EYA1: variants seen among roughly 807,000 people sequenced by gnomAD.
EYA1 encodes the protein EYA transcriptional coactivator and phosphatase 1.
EYA1 carries 16 observed loss-of-function variants against 82.0 expected under a neutral mutation model. That is an observed-to-expected ratio of 0.20 (90% CI 0.13 to 0.30). The LOEUF is 0.30. EYA1 is among the 10% of genes least tolerant of loss of function. The pLI is 1.00. For missense variants in EYA1, 633 were observed against 730.7 expected, an observed-to-expected ratio of 0.87 and a Z score of 1.54; for synonymous variants, 261 against 264.4, an observed-to-expected ratio of 0.99 and a Z score of 0.12.
chr8:71,369,341 T>A (rs531387253), intron 2 of EYA1, among the ~76,000 whole-genome samples: 24 of 152,318 alleles, frequency 1.6e-4, no homozygotes, highest in Admixed American at 4.6e-4. Flanking sequence ...GTGTGTAGAA[T>A]TATTAACATC....
At chr8:71,342,877 C>T (rs1825303840) in intron 3 of EYA1, among the ~76,000 whole-genome samples, 1 of 152,092 alleles carries the variant, frequency 6.6e-6, no homozygotes, top group African/African-American at 2.4e-5. Context: ...CTGCCTTAAC[C>T]AGCCTGTGAG....
intron 2 of EYA1, among the ~76,000 whole-genome samples, chr8:71,530,604 C>T (rs192414045): frequency 1.4e-4 from 21 of 152,236 alleles, no homozygotes; most frequent in South Asian, 6.2e-4. Context: ...TATAAAATTT[C>T]CCAGTTCACT....
At chr8:71,233,894 T>C (rs982760394) in intron 12 of EYA1, among the ~76,000 whole-genome samples, 1 of 152,222 alleles carries the variant, frequency 6.6e-6, no homozygotes, top group Non-Finnish European at 1.5e-5. Flanking sequence ...ATGAGAGCCT[T>C]CCATGTACCA....
chr8:71,381,963 C>T (rs951816860), intron 2 of EYA1, among the ~76,000 whole-genome samples: 11 of 152,198 alleles, frequency 7.2e-5, no homozygotes, highest in African/African-American at 2.7e-4. Flanking sequence ...ATGCCTGAGG[C>T]ACTTAAAAAT....
chr8:71,305,884 G>GCA (rs1424953643), intron 7 of EYA1, among the ~76,000 whole-genome samples: 1 of 151,702 alleles, frequency 6.6e-6, no homozygotes, highest in Non-Finnish European at 1.5e-5. Flanking sequence ...ACACGCATAC[G>GCA]CACACACACA....
At chr8:71,211,415 C>CCA (rs1808495895) in intron 16 of EYA1, among the ~76,000 whole-genome samples, 159 bp from the exon 17 acceptor site, 1 of 152,272 alleles carries the variant, frequency 6.6e-6, no homozygotes, top group South Asian at 2.1e-4. Context: ...GTTGTATGTG[C>CCA]CACAGCACAA....
chr8:71,483,262 C>T (rs947582707), intron 2 of EYA1, among the ~76,000 whole-genome samples: 1 of 152,136 alleles, frequency 6.6e-6, no homozygotes, highest in Non-Finnish European at 1.5e-5. Context: ...TAGCCACCAA[C>T]CTCCCTCTCT....
Position 71,287,927 on chromosome 8 carries a change from GA to G in EYA1, c.826+11119del, listed in dbSNP as rs1818564494. On this transcript the variant is annotated intron_variant, in intron 9 of 17. Transcript: ENST00000340726. ...ATTCTCATAGTCATCCTATACACAA[GA>G]GTGGTATTATGCTCATTCCACAGAG... Among the ~76,000 whole-genome samples, 12 of 152,288 alleles carry G rather than the reference GA, an allele frequency of 7.9e-5. No homozygotes were observed. In the South Asian group the frequency reaches 2.5e-3, roughly 32 times the overall value.
At chr8:71,397,689 T>A (rs1829710411) in intron 2 of EYA1, among the ~76,000 whole-genome samples, 1 of 152,214 alleles carries the variant, frequency 6.6e-6, no homozygotes, top group Non-Finnish European at 1.5e-5. Flanking sequence ...CCTTTGTGAG[T>A]AACCCAACCT....
chr8:71,235,777 A>G (rs1811757367), intron 12 of EYA1, among the ~76,000 whole-genome samples: 1 of 152,180 alleles, frequency 6.6e-6, no homozygotes, highest in Non-Finnish European at 1.5e-5. Flanking sequence ...GACAAAGTCT[A>G]AAAAGACTAC....
chr8:71,399,634 A>G (rs146120439), intron 2 of EYA1, among the ~76,000 whole-genome samples: 132 of 152,306 alleles, frequency 8.7e-4, no homozygotes, highest in African/African-American at 2.8e-3. Flanking sequence ...TGCTCAAGGA[A>G]ATCAGAGAGG....
chr8:71,288,531 T>C (rs1459023254), intron 9 of EYA1, among the ~76,000 whole-genome samples: 1 of 152,218 alleles, frequency 6.6e-6, no homozygotes, highest in East Asian at 1.9e-4. Context: ...TGCAAAAGAA[T>C]CTATACAGTC....
At chr8:71,531,723 C>T (rs1317813726) in intron 2 of EYA1, among the ~76,000 whole-genome samples, 3 of 152,098 alleles carry the variant, frequency 2.0e-5, no homozygotes, top group Non-Finnish European at 4.4e-5. Context: ...CTGCTAAGAG[C>T]GTGGAACTGT....
At chr8:71,394,619 TC>T (rs1829477554) in intron 2 of EYA1, among the ~76,000 whole-genome samples, 1 of 152,062 alleles carries the variant, frequency 6.6e-6, no homozygotes, top group Admixed American at 6.5e-5. Flanking sequence ...TGGTATTATT[TC>T]CGGGGGATCT....
chr8:71,240,870 A>C (rs1181114319), intron 12 of EYA1, among the ~76,000 whole-genome samples: 1 of 152,218 alleles, frequency 6.6e-6, no homozygotes, highest in Non-Finnish European at 1.5e-5. Flanking sequence ...GTTGCCTTTC[A>C]ATAAAAAGCT....
intron 2 of EYA1, among the ~76,000 whole-genome samples, chr8:71,518,460 T>C (rs1586872526): frequency 6.6e-6 from 1 of 152,250 alleles, no homozygotes. Context: ...GAAGCGACAA[T>C]GCTATTTTCT....
intron 11 of EYA1, among the ~76,000 whole-genome samples, chr8:71,261,322 C>G (rs1248880657): frequency 6.6e-6 from 1 of 152,072 alleles, no homozygotes; most frequent in Non-Finnish European, 1.5e-5. Context: ...GTTTAAGGCC[C>G]TATCACTGGG....
intron 12 of EYA1, among the ~76,000 whole-genome samples, chr8:71,220,180 C>T (rs1809716521): frequency 6.6e-6 from 1 of 152,088 alleles, no homozygotes; most frequent in Non-Finnish European, 1.5e-5. Context: ...CAGTAGAGTA[C>T]AGAACATACA....
intron 11 of EYA1, among the ~76,000 whole-genome samples, chr8:71,253,004 A>C (rs1813937798): frequency 6.6e-6 from 1 of 152,204 alleles, no homozygotes; most frequent in Admixed American, 6.5e-5. Flanking sequence ...CATGGTTATA[A>C]ACAGGAATTA....
Sources: allele counts gnomAD v4.1 joint callset (sites outside exome capture counted in the v4.1 genomes callset), GRCh38; gene constraint gnomAD v4.1.1; transcripts MANE v1.5; gene names NCBI Gene and HGNC (gene_info 2026-07-23, HGNC 2026-07-21).